NOL4L: variants seen among roughly 807,000 people sequenced by gnomAD.
The protein encoded by NOL4L is nucleolar protein 4 like.
NOL4L carries 7 observed loss-of-function variants against 64.5 expected under a neutral mutation model. That is an observed-to-expected ratio of 0.11 (90% CI 0.06 to 0.20). The LOEUF (loss-of-function observed/expected upper bound fraction) is 0.20. NOL4L is among the 10% of genes least tolerant of loss of function. The pLI is 1.00. For synonymous variants in NOL4L, 413 were observed against 401.0 expected (o/e 1.03, Z -0.36); for missense variants, 680 against 967.1 (o/e 0.70, Z 3.94).
rs1036931396 is a variant in NOL4L at position 32,443,246 on chromosome 20, T to TA, written c.*4349dup. ...AGGGAGAGAGGGAGTCGGCCTGTGC[T>TA]AGTCATTCCACAAACAAAACAGAAT... On this transcript the variant is annotated 3_prime_UTR_variant, in exon 11 of 11. Coordinates refer to ENST00000621426, the MANE Select transcript of NOL4L (RefSeq NM_001256798.2). The TA allele has an allele frequency of 6.6e-6, 1 of 152,246 alleles. No individual in the cohort carries two copies. The highest frequency in any genetic ancestry group is 1.5e-5 in the Non-Finnish European group (1 of 68,044). The allele number at this position is 152,246 out of a possible 1,614,324, so 9.4% of individuals were successfully genotyped here. A position where few individuals can be genotyped will look rare whatever the true frequency, so the allele number is the denominator to read the frequency against.
At chr20:32,492,449 T>C (rs1239806329) in intron 4 of NOL4L, among the ~76,000 whole-genome samples, 1 of 152,172 alleles carries the variant, frequency 6.6e-6, no homozygotes, top group Non-Finnish European at 1.5e-5. Flanking sequence ...AAAGGGTCTT[T>C]AGGGTGGTGC....
At chr20:32,458,693 C>T (rs1024021683) in intron 5 of NOL4L, among the ~76,000 whole-genome samples, 3 of 152,250 alleles carry the variant, frequency 2.0e-5, no homozygotes, top group African/African-American at 7.2e-5. Flanking sequence ...GCCTTAGATT[C>T]CTCCTCTGGA....
chr20:32,474,764 G>A (rs1376262700), intron 4 of NOL4L, 22 bp from the exon 5 acceptor site: 1 of 1,588,366 alleles, frequency 6.3e-7, no homozygotes. Flanking sequence ...CAAAGAAGGT[G>A]GGCATTCAGC....
At chr20:32,575,047 C>T (rs912246009) in intron 1 of NOL4L, among the ~76,000 whole-genome samples, 4 of 152,186 alleles carry the variant, frequency 2.6e-5, no homozygotes, top group African/African-American at 9.7e-5. Flanking sequence ...CCCCTCACCT[C>T]ACTATGCCTC....
At chr20:32,502,854 G>A (rs1202396719) in intron 4 of NOL4L, among the ~76,000 whole-genome samples, 3 of 152,044 alleles carry the variant, frequency 2.0e-5, no homozygotes, top group African/African-American at 7.2e-5. Flanking sequence ...AGGTTGCAAC[G>A]AGCCGAGATC....
intron 5 of NOL4L, among the ~76,000 whole-genome samples, chr20:32,461,430 T>C (rs2014048704): frequency 6.8e-6 from 1 of 147,502 alleles, no homozygotes; most frequent in African/African-American, 2.5e-5. Flanking sequence ...TCTTTTTTTT[T>C]TTTTTTTTTT....
Position 32,554,644 on chromosome 20 carries a change from G to A in NOL4L, c.322-26731C>T, listed in dbSNP as rs1978538772. The stretch of plus-strand genomic sequence containing the variant: ...GCACCCTCTCCTGGGAAACCCCCCA[G>A]GAAATCCTCCTTTTCTCCTTGCCTC... On this transcript the variant is annotated intron_variant, in intron 1 of 10. Transcript: ENST00000621426. 2.0e-5 allele frequency among the ~76,000 whole-genome samples: 3 copies of A among 152,132 alleles called. 1 individual carries two copies. The highest frequency in any genetic ancestry group is 4.4e-5 in the Non-Finnish European group (3 of 68,032).
intron 4 of NOL4L, among the ~76,000 whole-genome samples, chr20:32,509,215 G>C (rs867873421): frequency 3.9e-5 from 6 of 152,100 alleles, no homozygotes; most frequent in Non-Finnish European, 7.4e-5. Context: ...CCTCTGGCTG[G>C]TGTCTGTCTC....
Position 32,511,452 on chromosome 20 carries a change from G to C in NOL4L, c.594C>G (p.Asn198Lys), listed in dbSNP as rs139303061. The C allele has an allele frequency of 6.5e-7, 1 of 1,547,740 alleles. No individual in the cohort carries two copies. Among genetic ancestry groups the C allele is most frequent in the Non-Finnish European group, 8.7e-7 (1 of 1,144,504 alleles). Residue 198 changes from asparagine to lysine, a missense_variant, in exon 4 of 11, where the codon AAC (asparagine) becomes AAG (lysine). Asn to Lys is a moderately conservative substitution (Grantham distance 94, BLOSUM62 0). Transcript: ENST00000621426. Reference protein sequence around the residue: ...FNSNGLEPKENEPPSPLVSGI... With the variant: ...FNSNGLEPKEKEPPSPLVSGI... ...CAGAGACCAGTGGAGATGGAGGCTC[G>C]TTTTCTGGCAGAAAGAACAAAAGGA...
At position 32,475,422 on chromosome 20, in the gene NOL4L, C is replaced by T. The variant is rs1339484857; in HGVS notation, c.700-680G>A. On this transcript the variant is annotated intron_variant, in intron 4 of 10. Coordinates refer to ENST00000621426, the MANE Select transcript of NOL4L (RefSeq NM_001256798.2). ...CCGCAAAGGGGGTTCAGCTCAAGGGCCTGGGGGGCCGCCAGGGCGTTCCAA... is the reference window on the plus strand; with the variant it reads ...CCGCAAAGGGGGTTCAGCTCAAGGGTCTGGGGGGCCGCCAGGGCGTTCCAA... 8.7e-6 allele frequency: 7 copies of T among 809,232 alleles called. No homozygotes were observed. The African/African-American group carries it at 1.3e-4, about 15-fold the overall frequency. 50.1% of individuals were successfully genotyped at this position (809,232 alleles called of 1,614,324 possible).
intron 1 of NOL4L, among the ~76,000 whole-genome samples, chr20:32,543,690 T>G (rs936430503): frequency 6.6e-6 from 1 of 151,818 alleles, no homozygotes; most frequent in Non-Finnish European, 1.5e-5. Context: ...CTTGGGAGGC[T>G]GAGGCACAAT....
intron 1 of NOL4L, among the ~76,000 whole-genome samples, chr20:32,563,345 A>G (rs1979216016): frequency 6.6e-6 from 1 of 151,040 alleles, no homozygotes; most frequent in Non-Finnish European, 1.5e-5. Context: ...AGCGAGCCTC[A>G]CCTTTACTGA....
chr20:32,477,168 A>G (rs1269989711), intron 4 of NOL4L, among the ~76,000 whole-genome samples: 1 of 152,176 alleles, frequency 6.6e-6, no homozygotes. Context: ...AACCATAACA[A>G]CAGAAGGCAA....
At chr20:32,500,542 T>C (rs1490786443) in intron 4 of NOL4L, among the ~76,000 whole-genome samples, 4 of 104,704 alleles carry the variant, frequency 3.8e-5, no homozygotes, top group East Asian at 2.7e-4. Flanking sequence ...TTCTTTCTTT[T>C]TTTTTTTTTT....
At chr20:32,485,810 C>A (rs1346429498) in intron 4 of NOL4L, 1 of 469,302 alleles carries the variant, frequency 2.1e-6, no homozygotes, top group Non-Finnish European at 4.4e-6. Context: ...TTCCCCACCA[C>A]ATTTTCAGAG....
chr20:32,455,534 A>G (rs927610482), intron 6 of NOL4L, among the ~76,000 whole-genome samples: 15 of 152,320 alleles, frequency 9.8e-5, no homozygotes, highest in Non-Finnish European at 2.2e-4. Context: ...AGGCACTACT[A>G]CAGGAAACCT....
chr20:32,469,332 C>A (rs982158559), intron 5 of NOL4L, among the ~76,000 whole-genome samples: 2 of 151,698 alleles, frequency 1.3e-5, no homozygotes, highest in Non-Finnish European at 2.9e-5. Flanking sequence ...CATTATTTTT[C>A]ATTTTCTTTT....
At chr20:32,509,537 A>AG (rs2017296028) in intron 4 of NOL4L, among the ~76,000 whole-genome samples, 2 of 117,906 alleles carry the variant, frequency 1.7e-5, no homozygotes, top group East Asian at 2.4e-4. Flanking sequence ...AAAAAAAAAA[A>AG]AAAGAAAAGA....
chr20:32,504,715 C>T (rs1205213360), intron 4 of NOL4L, among the ~76,000 whole-genome samples: 1 of 151,938 alleles, frequency 6.6e-6, no homozygotes, highest in Non-Finnish European at 1.5e-5. Context: ...AGTGATTCTC[C>T]TGCCTCAGCC....
Sources: gnomAD v4.1 joint callset for allele counts (sites outside exome capture counted in the v4.1 genomes callset) on GRCh38, gnomAD v4.1.1 for gene constraint, MANE v1.5 for transcripts, NCBI Gene and HGNC (gene_info 2026-07-23, HGNC 2026-07-21) for gene names.